Variants in SLC12A2 observed in about 807,000 individuals in gnomAD.
SLC12A2 encodes Na-K-2Cl cotransporter 1.
In SLC12A2, 67 loss-of-function variants were observed where a neutral mutation model predicts 136.3. The observed-to-expected ratio is 0.49, with a 90% CI of 0.40 to 0.60. The LOEUF (loss-of-function observed/expected upper bound fraction) is 0.60, where lower values mean the gene tolerates loss of function less well. Among genes scored for constraint, SLC12A2 ranks in the 20% least tolerant of loss-of-function variants. SLC12A2 has a pLI of 0.00. For missense variants in SLC12A2, 1,322 were observed against 1,534.7 expected, an observed-to-expected ratio of 0.86 and a Z score of 2.32; for synonymous variants, 619 against 562.9, an observed-to-expected ratio of 1.10 and a Z score of -1.41.
At chr5:128,177,983 A>C (rs562684974) in intron 21 of SLC12A2, among the ~76,000 whole-genome samples, 1 of 152,262 alleles carries the variant, frequency 6.6e-6, no homozygotes, top group Admixed American at 6.5e-5. Flanking sequence ...ATATGGCTTT[A>C]GAATTGGGTG....
Position 128,151,236 on chromosome 5 carries a change from G to T in SLC12A2, c.2108-5G>T. 1 of 1,600,804 alleles carries T rather than the reference G, an allele frequency of 6.2e-7. No homozygotes were observed. Among genetic ancestry groups the T allele is most frequent in the African/African-American group, 1.3e-5 (1 of 74,214 alleles). ...GTGTGACTTTTATTTATTTGTTATT[G>T]TTAGGATGGCGTCCTGCATTCAAAT... On this transcript the variant is annotated splice_region_variant and splice_polypyrimidine_tract_variant and intron_variant, in intron 13 of 26. Transcript: ENST00000262461.
chr5:128,154,972 G>GT (rs1167845927), intron 15 of SLC12A2, among the ~76,000 whole-genome samples: 2,244 of 145,562 alleles, frequency 0.015, 34 homozygotes, highest in African/African-American at 0.039. Flanking sequence ...GCATTTTACA[G>GT]TTTTTTTTTT....
Position 128,186,700 on chromosome 5 carries a change from A to G in SLC12A2, c.*69A>G, listed in dbSNP as rs1044554504. The G allele has an allele frequency of 1.6e-5, 24 of 1,457,888 alleles. No individual in the cohort carries two copies. The highest frequency in any genetic ancestry group is 2.8e-5 in the African/African-American group (2 of 71,550). 90.3% of individuals were successfully genotyped at this position (1,457,888 alleles called of 1,614,324 possible). A position where few individuals can be genotyped will look rare whatever the true frequency, so the allele number is the denominator to read the frequency against. On this transcript the variant is annotated 3_prime_UTR_variant, in exon 27 of 27. Coordinates refer to ENST00000262461, the MANE Select transcript of SLC12A2 (RefSeq NM_001046.3). Reference sequence around the variant, plus strand: ...CCTAGTGTAGTAACTGAAATCTTCAATGACACATTAACATCACAATGGCGA... The same window carrying G: ...CCTAGTGTAGTAACTGAAATCTTCAGTGACACATTAACATCACAATGGCGA...
Position 128,177,162 on chromosome 5 carries a change from T to G in SLC12A2, c.2977+10T>G. 2.5e-6 allele frequency: 4 copies of G among 1,587,798 alleles called. No homozygotes were observed. Among genetic ancestry groups the G allele is most frequent in the Non-Finnish European group, 3.4e-6 (4 of 1,167,812 alleles). On this transcript the variant is annotated intron_variant, in intron 21 of 26. Coordinates refer to ENST00000262461, the MANE Select transcript of SLC12A2 (RefSeq NM_001046.3). ...CCACTGTTGAAAAAAGGCAGGCATT[T>G]TTCATCATTTTATTTTAAACCCTTT...
At chr5:128,104,648 A>T (rs137926512) in intron 1 of SLC12A2, among the ~76,000 whole-genome samples, 4,668 of 141,538 alleles carry the variant, frequency 0.033, 70 homozygotes, top group Middle Eastern at 0.092. Flanking sequence ...AAGAAAAAAA[A>T]ATATATATAT....
chr5:128,167,837 G>A lies in SLC12A2; in HGVS notation c.2693G>A (p.Arg898Lys), dbSNP rs762787955. Residue 898 changes from arginine (R) to lysine (K), a missense_variant, in exon 18 of 27, where the codon AGG (arginine) becomes AAG (lysine). Coordinates refer to ENST00000262461, the MANE Select transcript of SLC12A2 (RefSeq NM_001046.3). Reference sequence around the variant, plus strand: ...AAAGATTGGTTGCAAGCAGATATGAGGGATGTGGATATGTATATAAACTTA... The same window carrying A: ...AAAGATTGGTTGCAAGCAGATATGAAGGATGTGGATATGTATATAAACTTA... The part of the protein sequence containing the change: ...FKKDWLQADM[R>K]DVDMYINLFH... 6.2e-7 allele frequency: 1 copy of A among 1,602,790 alleles called. No homozygotes were observed. Among genetic ancestry groups the A allele is most frequent in the Non-Finnish European group, 8.5e-7 (1 of 1,172,822 alleles).
chr5:128,179,684 C>T (rs535396635), intron 22 of SLC12A2, among the ~76,000 whole-genome samples: 2 of 152,058 alleles, frequency 1.3e-5, no homozygotes, highest in South Asian at 2.1e-4. Flanking sequence ...TTAAATCACC[C>T]GGTCTCATGA....
At chr5:128,180,603 A>G (rs891963795) in intron 22 of SLC12A2, among the ~76,000 whole-genome samples, 4 of 152,156 alleles carry the variant, frequency 2.6e-5, no homozygotes, top group African/African-American at 9.7e-5. Flanking sequence ...GCTAAGGTCA[A>G]TAATTATACT....
At chr5:128,148,059 T>C (rs1456397745) in intron 11 of SLC12A2, among the ~76,000 whole-genome samples, 1 of 151,688 alleles carries the variant, frequency 6.6e-6, no homozygotes, top group Admixed American at 6.6e-5. Flanking sequence ...AAATAGGAAG[T>C]AGTAAAATAT....
In SLC12A2 at chr5:128,151,353, G is replaced by T; in HGVS notation, c.2220G>T (p.Val740=). The change falls in exon 14 of 27, where the codon GTG becomes GTT. Residue 740 remains valine (V), a synonymous_variant. Coordinates refer to ENST00000262461, the MANE Select transcript of SLC12A2 (RefSeq NM_001046.3). ...GGTGGGCTGCATTGCTAACATATGTGATAGTCCTTGGGCTGTATATTTATG... is the reference window on the plus strand; with the variant it reads ...GGTGGGCTGCATTGCTAACATATGTTATAGTCCTTGGGCTGTATATTTATG... ...INWWAALLTY[V]IVLGLYIYVT... 1 of 1,612,246 alleles carries T rather than the reference G, an allele frequency of 6.2e-7. No homozygotes were observed. The highest frequency in any genetic ancestry group is 1.1e-5 in the South Asian group (1 of 90,802).
chr5:128,103,508 G>T (rs1486321644), intron 1 of SLC12A2, among the ~76,000 whole-genome samples: 1 of 152,188 alleles, frequency 6.6e-6, no homozygotes, highest in Non-Finnish European at 1.5e-5. Context: ...GACAGGAAAG[G>T]TCTGTGCTGT....
chr5:128,102,407 G>C lies in SLC12A2; in HGVS notation c.757-10407G>C, dbSNP rs574768306. On this transcript the variant is annotated intron_variant, in intron 1 of 26. Transcript: ENST00000262461. ...TATGGTGATCACTTCTTTGGGTATT[G>C]GTGTTATTTTTTATAATGATTTTTG... 2.6e-5 allele frequency among the ~76,000 whole-genome samples: 4 copies of C among 151,662 alleles called. No homozygotes were observed. The South Asian group carries it at 8.3e-4, about 32-fold the overall frequency.
At chr5:128,089,544 ACC>A (rs1384668886) in intron 1 of SLC12A2, among the ~76,000 whole-genome samples, 3 of 152,038 alleles carry the variant, frequency 2.0e-5, no homozygotes, top group African/African-American at 7.2e-5. Flanking sequence ...GTTGAGGGGG[ACC>A]CCTTGGGGAT....
At chr5:128,128,064 TTC>T (rs1429964089) in intron 4 of SLC12A2, among the ~76,000 whole-genome samples, 2 of 152,210 alleles carry the variant, frequency 1.3e-5, no homozygotes, top group Non-Finnish European at 2.9e-5. Context: ...TCAAAATACT[TTC>T]TAATTTCGCT....
intron 11 of SLC12A2, 32 bp from the exon 12 acceptor site, chr5:128,148,722 A>G (rs1762606988): frequency 2.0e-6 from 3 of 1,536,780 alleles, no homozygotes; most frequent in African/African-American, 1.4e-5. Context: ...TCTAATTTTA[A>G]TATGTTTCAT....
At position 128,151,234 on chromosome 5, in the gene SLC12A2, T is replaced by C. The variant is rs1227899619; in HGVS notation, c.2108-7T>C. On this transcript the variant is annotated splice_region_variant and splice_polypyrimidine_tract_variant and intron_variant, in intron 13 of 26. Transcript: ENST00000262461. Reference sequence around the variant, plus strand: ...TTGTGTGACTTTTATTTATTTGTTATTGTTAGGATGGCGTCCTGCATTCAA... The same window carrying C: ...TTGTGTGACTTTTATTTATTTGTTACTGTTAGGATGGCGTCCTGCATTCAA... 5.6e-6 allele frequency: 9 copies of C among 1,599,062 alleles called. No individual in the cohort carries two copies. Among genetic ancestry groups the C allele is most frequent in the Admixed American group, 3.6e-5 (2 of 56,312 alleles).
At chr5:128,098,714 C>T (rs557045657) in intron 1 of SLC12A2, among the ~76,000 whole-genome samples, 44 of 152,154 alleles carry the variant, frequency 2.9e-4, no homozygotes, top group Admixed American at 2.0e-3. Context: ...CCACTCCTCT[C>T]CCCATACAAT....
At chr5:128,089,064 T>C (rs1198275553) in intron 1 of SLC12A2, among the ~76,000 whole-genome samples, 2 of 150,318 alleles carry the variant, frequency 1.3e-5, no homozygotes, top group African/African-American at 4.9e-5. Flanking sequence ...GCTATTTGGG[T>C]GGCTGAGGCA....
At chr5:128,144,892 A>G (rs1581108747) in intron 10 of SLC12A2, among the ~76,000 whole-genome samples, 1 of 152,216 alleles carries the variant, frequency 6.6e-6, no homozygotes, top group East Asian at 1.9e-4. Context: ...TTTACTTGCT[A>G]TCTTTTAGCT....
Sources: gnomAD v4.1 joint callset for allele counts (sites outside exome capture counted in the v4.1 genomes callset) on GRCh38, gnomAD v4.1.1 for gene constraint, MANE v1.5 for transcripts, NCBI Gene and HGNC (gene_info 2026-07-23, HGNC 2026-07-21) for gene names.